EPM2A: variants seen among roughly 807,000 people sequenced by gnomAD.
EPM2A encodes the protein EPM2A glucan phosphatase, laforin, also known as laforin.
Under a neutral mutation model 26.5 loss-of-function variants are expected in EPM2A, and 21 were observed. The ratio of observed to expected loss-of-function variants is 0.79; its 90% CI spans 0.56 to 1.14. EPM2A has a LOEUF of 1.14. Ranked by LOEUF, EPM2A falls within the 50% of genes most tolerant of loss-of-function variation. The probability of loss-of-function intolerance (pLI) is 0.00; values close to 1 mark genes in which losing one functional copy is unlikely to be tolerated. For missense variants in EPM2A, 458 were observed against 440.8 expected (o/e 1.04, Z -0.35); for synonymous variants, 217 against 177.6 (o/e 1.22, Z -1.76).
intron 4 of EPM2A, among the ~76,000 whole-genome samples, chr6:145,384,297 A>T (rs1415623768): frequency 6.6e-6 from 1 of 152,222 alleles, no homozygotes; most frequent in Non-Finnish European, 1.5e-5. Context: ...TAACAATATC[A>T]ACAAAGGGAC....
intron 2 of EPM2A, among the ~76,000 whole-genome samples, chr6:145,678,723 T>C (rs1780261676): frequency 6.6e-6 from 1 of 152,092 alleles, no homozygotes; most frequent in Non-Finnish European, 1.5e-5. Context: ...CCAGTTAGAA[T>C]AGTGATCATT....
At chr6:145,464,844 G>T (rs931054979) in intron 4 of EPM2A, among the ~76,000 whole-genome samples, 1 of 152,076 alleles carries the variant, frequency 6.6e-6, no homozygotes, top group Non-Finnish European at 1.5e-5. Flanking sequence ...AAATAAATCT[G>T]CTGTAAGTCT....
At chr6:145,475,454 G>A (rs1279942899) in intron 4 of EPM2A, among the ~76,000 whole-genome samples, 1 of 152,024 alleles carries the variant, frequency 6.6e-6, no homozygotes, top group Non-Finnish European at 1.5e-5. Context: ...CACACACTGG[G>A]GCCTGTTGAT....
chr6:145,396,840 C>A (rs1482237665), intron 4 of EPM2A, among the ~76,000 whole-genome samples: 1 of 152,108 alleles, frequency 6.6e-6, no homozygotes, highest in African/African-American at 2.4e-5. Context: ...TGGTGGTGGC[C>A]AAATACTACT....
At chr6:145,594,831 T>C (rs1042293470) in intron 2 of EPM2A, among the ~76,000 whole-genome samples, 4 of 151,900 alleles carry the variant, frequency 2.6e-5, no homozygotes, top group Non-Finnish European at 5.9e-5. Flanking sequence ...TGTTCCCTAG[T>C]GAATTACCAT....
At chr6:145,536,778 A>G (rs995108192) in intron 2 of EPM2A, among the ~76,000 whole-genome samples, 2 of 152,206 alleles carry the variant, frequency 1.3e-5, no homozygotes, top group Non-Finnish European at 2.9e-5. Flanking sequence ...ATAAATGAAA[A>G]CTAACCAAAT....
At chr6:145,514,983 T>C (rs1386138875) in intron 2 of EPM2A, among the ~76,000 whole-genome samples, 4 of 152,224 alleles carry the variant, frequency 2.6e-5, no homozygotes, top group African/African-American at 9.6e-5. Context: ...TGGGGAGCAC[T>C]TGCATATTTG....
chr6:145,409,450 C>G (rs1218470156), intron 4 of EPM2A, among the ~76,000 whole-genome samples: 1 of 152,138 alleles, frequency 6.6e-6, no homozygotes, highest in Non-Finnish European at 1.5e-5. Context: ...TCTAATTCCA[C>G]ACTCAGTATC....
At chr6:145,389,566 C>T (rs1436574462) in intron 4 of EPM2A, among the ~76,000 whole-genome samples, 3 of 152,124 alleles carry the variant, frequency 2.0e-5, no homozygotes, top group Non-Finnish European at 2.9e-5. Flanking sequence ...ATGTAAGCTC[C>T]AAGGGGACAG....
intron 1 of EPM2A, among the ~76,000 whole-genome samples, chr6:145,729,652 A>G (rs562602295): frequency 1.3e-3 from 192 of 152,260 alleles, no homozygotes; most frequent in Non-Finnish European, 2.1e-3. Flanking sequence ...GAAGTAATTA[A>G]GTGGTTTTGA....
intron 2 of EPM2A, among the ~76,000 whole-genome samples, chr6:145,569,201 A>G (rs571764245): frequency 5.3e-5 from 8 of 152,328 alleles, no homozygotes; most frequent in African/African-American, 1.9e-4. Flanking sequence ...CTGGATTGGT[A>G]TATCAAAAGC....
chr6:145,574,577 GTATA>G (rs1781003951), intron 2 of EPM2A, among the ~76,000 whole-genome samples: 1 of 152,154 alleles, frequency 6.6e-6, no homozygotes, highest in Admixed American at 6.5e-5. Flanking sequence ...TTGGTCAAGG[GTATA>G]TCTTCTGGAC....
chr6:145,525,215 TTTTATTTATTTATTTATTTA>T lies in EPM2A; in HGVS notation c.341-22660_341-22641del, dbSNP rs71552932. The stretch of plus-strand genomic sequence containing the variant: ...AGCTGGGTTAATGTGATGCCTTCAA[TTTTATTTATTTATTTATTTA>T]TTTATTTATTTATTTATTTATTTTT... On this transcript the variant is annotated intron_variant, in intron 2 of 3. Coordinates refer to the EPM2A transcript ENST00000450221. Among the ~76,000 whole-genome samples, 28 of 147,076 alleles carry T rather than the reference TTTTATTTATTTATTTATTTA, an allele frequency of 1.9e-4. No homozygotes were observed. In the South Asian group the frequency reaches 3.7e-3, roughly 19 times the overall value.
At chr6:145,433,968 G>A (rs1425767650) in intron 4 of EPM2A, among the ~76,000 whole-genome samples, 1 of 151,932 alleles carries the variant, frequency 6.6e-6, no homozygotes, top group African/African-American at 2.4e-5. Flanking sequence ...TTAGGATGAT[G>A]ATTATTAGTA....
intron 4 of EPM2A, among the ~76,000 whole-genome samples, chr6:145,419,308 T>G (rs1778752203): frequency 6.6e-6 from 1 of 151,978 alleles, no homozygotes; most frequent in South Asian, 2.1e-4. Context: ...AATATTCTAC[T>G]GGGCTACAAT....
At chr6:145,697,214 G>A (rs1423337364) in intron 1 of EPM2A, among the ~76,000 whole-genome samples, 2 of 152,136 alleles carry the variant, frequency 1.3e-5, no homozygotes, top group Non-Finnish European at 2.9e-5. Flanking sequence ...GTGTATGGGG[G>A]AGACATCACA....
At chr6:145,710,427 T>C (rs1583100907) in intron 1 of EPM2A, among the ~76,000 whole-genome samples, 1 of 152,142 alleles carries the variant, frequency 6.6e-6, no homozygotes, top group East Asian at 1.9e-4. Context: ...TTAGATACCA[T>C]CTCACACCAG....
chr6:145,391,780 G>A (rs1280579064), intron 4 of EPM2A, among the ~76,000 whole-genome samples: 1 of 152,166 alleles, frequency 6.6e-6, no homozygotes, highest in African/African-American at 2.4e-5. Flanking sequence ...CAGTTGTCTT[G>A]CCAGCTGCAC....
chr6:145,425,808 G>T (rs936630325), intron 4 of EPM2A, among the ~76,000 whole-genome samples: 1 of 152,072 alleles, frequency 6.6e-6, no homozygotes, highest in Non-Finnish European at 1.5e-5. Context: ...GCTTCATGTT[G>T]TCTTATTTCT....
Sources: allele counts gnomAD v4.1 joint callset (sites outside exome capture counted in the v4.1 genomes callset), GRCh38; gene constraint gnomAD v4.1.1; transcripts MANE v1.5; gene names NCBI Gene and HGNC (gene_info 2026-07-23, HGNC 2026-07-21).